GPATCH2: variants seen among roughly 807,000 people sequenced by gnomAD.
GPATCH2 encodes the protein G patch domain-containing protein 2.
GPATCH2 carries 51 observed loss-of-function variants against 58.0 expected under a neutral mutation model. That is an observed-to-expected ratio of 0.88 (90% CI 0.70 to 1.11). The LOEUF (loss-of-function observed/expected upper bound fraction) is 1.11. Ranked by LOEUF, GPATCH2 falls within the 50% of genes most tolerant of loss-of-function variation. The pLI, the probability that GPATCH2 is intolerant of heterozygous loss-of-function variation, is 0.00. For missense variants in GPATCH2, 625 were observed against 652.2 expected, an observed-to-expected ratio of 0.96 and a Z score of 0.45; for synonymous variants, 222 against 218.5, an observed-to-expected ratio of 1.02 and a Z score of -0.14.
chr1:217,611,697 G>C (rs1163129518), intron 3 of GPATCH2, among the ~76,000 whole-genome samples: 1 of 152,128 alleles, frequency 6.6e-6, no homozygotes. Context: ...ATCATGAACA[G>C]ATGTGACTAA....
intron 8 of GPATCH2, among the ~76,000 whole-genome samples, chr1:217,450,158 G>C (rs575114031): frequency 1.3e-5 from 2 of 152,234 alleles, no homozygotes; most frequent in African/African-American, 4.8e-5. Context: ...AAGATTCTGT[G>C]TTCATTTCCT....
intron 5 of GPATCH2, among the ~76,000 whole-genome samples, chr1:217,517,709 A>C (rs1159388918): frequency 1.3e-5 from 2 of 152,148 alleles, no homozygotes; most frequent in Non-Finnish European, 2.9e-5. Flanking sequence ...GCATATAATT[A>C]AGTATGGTGA....
In GPATCH2 at chr1:217,610,989, T is replaced by C. The variant is rs778651710; in HGVS notation, c.918A>G (p.Glu306=). 6.8e-6 allele frequency: 11 copies of C among 1,613,318 alleles called. No individual in the cohort carries two copies. The highest frequency in any genetic ancestry group is 9.3e-6 in the Non-Finnish European group (11 of 1,179,594). Residue 306 remains glutamate (E), a synonymous_variant, in exon 4 of 10, where the codon GAA becomes GAG. Coordinates refer to ENST00000366935, the MANE Select transcript of GPATCH2 (RefSeq NM_018040.5). ...TGTCTAGCTCAGTAGGATCTTCCTT[T>C]TCCCACCAGGGCACAACTCCAGTGA... ...CGITGVVPWW[E]KEDPTELDKN...
intron 8 of GPATCH2, among the ~76,000 whole-genome samples, chr1:217,470,864 T>A (rs941817146): frequency 2.6e-5 from 4 of 152,068 alleles, no homozygotes; most frequent in Admixed American, 1.3e-4. Context: ...ATTAAACAAA[T>A]ATAGAAAGTA....
chr1:217,482,917 C>T (rs1373272177), intron 8 of GPATCH2, among the ~76,000 whole-genome samples: 1 of 152,130 alleles, frequency 6.6e-6, no homozygotes, highest in East Asian at 1.9e-4. Context: ...CCCCCTGGTC[C>T]TCACCCCATG....
At chr1:217,443,684 C>G (rs900031990) in intron 9 of GPATCH2, among the ~76,000 whole-genome samples, 2 of 151,896 alleles carry the variant, frequency 1.3e-5, no homozygotes, top group African/African-American at 4.8e-5. Context: ...GTCCTTCAGC[C>G]TCTTTTATAT....
intron 8 of GPATCH2, among the ~76,000 whole-genome samples, chr1:217,458,180 A>AC (rs1414276646): frequency 6.6e-6 from 1 of 152,208 alleles, no homozygotes; most frequent in Non-Finnish European, 1.5e-5. Context: ...CAGTGAGCCG[A>AC]GATCGCGCCA....
At chr1:217,460,418 G>A (rs543441211) in intron 8 of GPATCH2, among the ~76,000 whole-genome samples, 1 of 152,296 alleles carries the variant, frequency 6.6e-6, no homozygotes, top group Admixed American at 6.5e-5. Flanking sequence ...AAGATACGAT[G>A]TTCATTTTCT....
intron 6 of GPATCH2, among the ~76,000 whole-genome samples, chr1:217,509,519 T>G (rs535854239): frequency 2.9e-4 from 44 of 152,322 alleles, no homozygotes; most frequent in African/African-American, 1.0e-3. Flanking sequence ...TGCGAGCTAG[T>G]CTCTGAACTG....
chr1:217,574,025 A>G (rs1269995304), intron 5 of GPATCH2, among the ~76,000 whole-genome samples: 1 of 152,210 alleles, frequency 6.6e-6, no homozygotes, highest in Admixed American at 6.5e-5. Flanking sequence ...AATGATTTTT[A>G]AAAAGAAAAG....
chr1:217,554,565 C>G (rs1665528526), intron 5 of GPATCH2, among the ~76,000 whole-genome samples: 1 of 152,218 alleles, frequency 6.6e-6, no homozygotes, highest in South Asian at 2.1e-4. Context: ...GCTGTAGTTA[C>G]TATGTGTTGA....
intron 5 of GPATCH2, among the ~76,000 whole-genome samples, chr1:217,522,200 T>C (rs1558454623): frequency 1.3e-5 from 2 of 152,158 alleles, no homozygotes; most frequent in South Asian, 2.1e-4. Context: ...TTTAGAATTA[T>C]TGGTCTATTA....
chr1:217,491,073 G>A (rs1661705150), intron 8 of GPATCH2, among the ~76,000 whole-genome samples: 1 of 152,180 alleles, frequency 6.6e-6, no homozygotes, highest in Non-Finnish European at 1.5e-5. Flanking sequence ...TAAAATAAAT[G>A]TAAATATCAG....
At chr1:217,498,548 T>G in intron 6 of GPATCH2, 153 bp from the exon 7 acceptor site, 1 of 671,968 alleles carries the variant, frequency 1.5e-6, no homozygotes, top group Non-Finnish European at 2.7e-6. Flanking sequence ...ATTCTAGACT[T>G]AGACCAATTT....
intron 3 of GPATCH2, among the ~76,000 whole-genome samples, chr1:217,612,314 C>A (rs1456677159): frequency 6.6e-6 from 1 of 152,130 alleles, no homozygotes; most frequent in Non-Finnish European, 1.5e-5. Context: ...CTAAGAGGGT[C>A]GTTGTAATTG....
intron 5 of GPATCH2, among the ~76,000 whole-genome samples, chr1:217,520,955 C>T (rs1393758169): frequency 1.3e-5 from 2 of 152,198 alleles, no homozygotes; most frequent in Non-Finnish European, 2.9e-5. Context: ...AGCAATTCCC[C>T]TGCCTCTGCT....
intron 5 of GPATCH2, among the ~76,000 whole-genome samples, chr1:217,586,888 T>C (rs1260988083): frequency 2.0e-5 from 3 of 152,192 alleles, no homozygotes; most frequent in Non-Finnish European, 4.4e-5. Context: ...AACAGTGTTA[T>C]GCAGCACATG....
Position 217,448,291 on chromosome 1 carries a change from C to T in GPATCH2, c.1366+958G>A, listed in dbSNP as rs191757246. 3.6e-3 allele frequency among the ~76,000 whole-genome samples: 552 copies of T among 152,128 alleles called. 4 individuals carry two copies. Among genetic ancestry groups the T allele is most frequent in the Middle Eastern group, 6.8e-3 (2 of 294 alleles). On this transcript the variant is annotated intron_variant, in intron 9 of 9. Coordinates refer to ENST00000366935, the MANE Select transcript of GPATCH2 (RefSeq NM_018040.5). ...AAAATCACTTTTCCTATAAAGGCTG[C>T]CCAAATGAAGCTAAGAGAAAATTTC...
At chr1:217,438,248 A>T (rs1462705037) in intron 9 of GPATCH2, among the ~76,000 whole-genome samples, 2 of 152,238 alleles carry the variant, frequency 1.3e-5, no homozygotes, top group African/African-American at 4.8e-5. Flanking sequence ...TCAAAGACCA[A>T]AGGTAGATAA....
Sources: allele counts gnomAD v4.1 joint callset (sites outside exome capture counted in the v4.1 genomes callset), GRCh38; gene constraint gnomAD v4.1.1; transcripts MANE v1.5; gene names NCBI Gene and HGNC (gene_info 2026-07-23, HGNC 2026-07-21).